SEMA5A: variants seen among roughly 807,000 people sequenced by gnomAD.
The protein encoded by SEMA5A is semaphorin 5A.
Under a neutral mutation model 135.5 loss-of-function variants are expected in SEMA5A, and 55 were observed. The ratio of observed to expected loss-of-function variants is 0.41; its 90% CI spans 0.33 to 0.51. The LOEUF (loss-of-function observed/expected upper bound fraction) is 0.51, where lower values mean the gene tolerates loss of function less well. Among genes scored for constraint, SEMA5A ranks in the 20% least tolerant of loss-of-function variants. The probability of loss-of-function intolerance (pLI) is 0.37; values close to 1 mark genes in which losing one functional copy is unlikely to be tolerated. For synonymous variants in SEMA5A, 580 were observed against 546.5 expected (o/e 1.06, Z -0.85); for missense variants, 1,290 against 1,419.9 (o/e 0.91, Z 1.47).
rs199744079 is a variant in SEMA5A, at chr5:9,262,955, G to GA, written c.271-25066dup. Among the ~76,000 whole-genome samples the GA allele has an allele frequency of 5.2e-3, 521 of 100,498 alleles. 1 individual carries two copies. The highest frequency in any genetic ancestry group is 8.7e-3 in the Non-Finnish European group (402 of 46,410). The allele number at this position is 100,498 out of a possible 152,430, so 65.9% of individuals were successfully genotyped here. On this transcript the variant is annotated intron_variant, in intron 5 of 22. Coordinates refer to ENST00000382496, the MANE Select transcript of SEMA5A (RefSeq NM_003966.3). ...ATTTCTTATAAAATAAAATATTTTC[G>GA]AAAAAATAAAAATAAAAATAAAATT...
chr5:9,216,585 T>C (rs1746641156), intron 8 of SEMA5A, among the ~76,000 whole-genome samples: 1 of 151,992 alleles, frequency 6.6e-6, no homozygotes. Flanking sequence ...GTCAGTAGAG[T>C]GTTAAAGTCT....
chr5:9,236,832 T>C (rs1296306531), intron 6 of SEMA5A, among the ~76,000 whole-genome samples: 2 of 152,134 alleles, frequency 1.3e-5, no homozygotes, highest in Non-Finnish European at 2.9e-5. Flanking sequence ...GGAAACCCCA[T>C]AACTAAGCTG....
Position 9,040,441 on chromosome 5 carries a change from G to A in SEMA5A, c.*2456C>T, listed in dbSNP as rs1272696882. 1 of 152,240 alleles carries A rather than the reference G, an allele frequency of 6.6e-6. No homozygotes were observed. The highest frequency in any genetic ancestry group is 2.4e-5 in the African/African-American group (1 of 41,470). 9.4% of individuals were successfully genotyped at this position (152,240 alleles called of 1,614,324 possible). A position where few individuals can be genotyped will look rare whatever the true frequency, so the allele number is the denominator to read the frequency against. ...AGCGTGGAGTACAGAGCCAGAACAT[G>A]TGAACGGTAGCTACACAGTGATGGA... is the stretch of plus-strand genomic sequence containing the variant. On this transcript the variant is annotated 3_prime_UTR_variant, in exon 23 of 23. Coordinates refer to ENST00000382496, the MANE Select transcript of SEMA5A (RefSeq NM_003966.3).
rs191625433 is a variant in SEMA5A, at chr5:9,148,579, G to A, written c.1481+5909C>T. ...TCATTGCTTTCCAGGTTCTGATGAG[G>A]TGTAAGGCTTTCTGCCCCTTCATAT... On this transcript the variant is annotated intron_variant, in intron 12 of 22. Coordinates refer to ENST00000382496, the MANE Select transcript of SEMA5A (RefSeq NM_003966.3). Among the ~76,000 whole-genome samples, 373 of 152,278 alleles carry A rather than the reference G, an allele frequency of 2.4e-3. 2 individuals carry two copies. Among genetic ancestry groups the A allele is most frequent in the African/African-American group, 8.8e-3 (366 of 41,558 alleles).
At chr5:9,371,609 G>A (rs1755139121) in intron 3 of SEMA5A, among the ~76,000 whole-genome samples, 1 of 152,118 alleles carries the variant, frequency 6.6e-6, no homozygotes, top group African/African-American at 2.4e-5. Flanking sequence ...TAAAAAGCAG[G>A]CAATGTGGTT....
At chr5:9,335,253 C>G (rs1272443753) in intron 4 of SEMA5A, among the ~76,000 whole-genome samples, 1 of 152,058 alleles carries the variant, frequency 6.6e-6, no homozygotes, top group South Asian at 2.1e-4. Context: ...GAGAGAGAGA[C>G]ACCCCACTGA....
chr5:9,175,564 G>A (rs1159886757), intron 11 of SEMA5A, among the ~76,000 whole-genome samples: 1 of 152,044 alleles, frequency 6.6e-6, no homozygotes, highest in Non-Finnish European at 1.5e-5. Context: ...TACAACATAT[G>A]GCATCTTCCT....
At chr5:9,488,281 G>T (rs970973864) in intron 1 of SEMA5A, among the ~76,000 whole-genome samples, 3 of 152,054 alleles carry the variant, frequency 2.0e-5, no homozygotes, top group African/African-American at 7.3e-5. Flanking sequence ...GTCTAGATTG[G>T]CATGTCCACC....
chr5:9,274,136 T>C (rs896493931), intron 5 of SEMA5A, among the ~76,000 whole-genome samples: 1 of 151,916 alleles, frequency 6.6e-6, no homozygotes, highest in African/African-American at 2.4e-5. Flanking sequence ...AATAAAGGGA[T>C]GGAGGAAAAT....
At position 9,382,094 on chromosome 5, in the gene SEMA5A, G is replaced by A. The variant is rs567059420; in HGVS notation, c.-77-2071C>T. On this transcript the variant is annotated intron_variant, in intron 2 of 22. Coordinates refer to ENST00000382496, the MANE Select transcript of SEMA5A (RefSeq NM_003966.3). Reference sequence around the variant, plus strand: ...GTGGATCACCTGAGGTCAGGAGTTCGAGACCAACCTGGGAAATATAATGAG... The same window carrying A: ...GTGGATCACCTGAGGTCAGGAGTTCAAGACCAACCTGGGAAATATAATGAG... Among the ~76,000 whole-genome samples the A allele has an allele frequency of 1.4e-3, 215 of 151,992 alleles. 1 individual carries two copies. The highest frequency in any genetic ancestry group is 4.9e-3 in the African/African-American group (205 of 41,454).
At chr5:9,100,498 G>A (rs576812409) in intron 16 of SEMA5A, among the ~76,000 whole-genome samples, 10 of 152,246 alleles carry the variant, frequency 6.6e-5, no homozygotes, top group South Asian at 2.1e-4. Flanking sequence ...ACACACTCCC[G>A]AGAGGCATTT....
At chr5:9,050,361 T>C (rs1309616168) in intron 21 of SEMA5A, 49 bp downstream of exon 21, 1 of 1,493,744 alleles carries the variant, frequency 6.7e-7, no homozygotes, top group Non-Finnish European at 9.1e-7. Flanking sequence ...GGGAAATGAT[T>C]AGAATATATC....
At chr5:9,103,113 G>T (rs1560918097) in intron 16 of SEMA5A, among the ~76,000 whole-genome samples, 1 of 152,158 alleles carries the variant, frequency 6.6e-6, no homozygotes, top group Non-Finnish European at 1.5e-5. Context: ...ACCCTGGATT[G>T]TCTCAGGACC....
At chr5:9,246,994 A>G (rs1168836491) in intron 5 of SEMA5A, among the ~76,000 whole-genome samples, 2 of 152,162 alleles carry the variant, frequency 1.3e-5, no homozygotes, top group Non-Finnish European at 2.9e-5. Flanking sequence ...ATCTGGGAAT[A>G]TAGTTAAAGG....
intron 1 of SEMA5A, among the ~76,000 whole-genome samples, chr5:9,499,915 A>T (rs1444083908): frequency 6.6e-6 from 1 of 152,148 alleles, no homozygotes; most frequent in Non-Finnish European, 1.5e-5. Context: ...TGGGGAAAAA[A>T]GTCTGAAGCT....
intron 5 of SEMA5A, among the ~76,000 whole-genome samples, chr5:9,295,264 G>C (rs767438): frequency 0.74 from 113,284 of 152,100 alleles, 43,571 homozygotes; most frequent in East Asian, 0.9. Context: ...ATGATCAACA[G>C]ATTCTAGAAC....
At chr5:9,497,098 C>G (rs1468820150) in intron 1 of SEMA5A, among the ~76,000 whole-genome samples, 1 of 152,144 alleles carries the variant, frequency 6.6e-6, no homozygotes, top group African/African-American at 2.4e-5. Context: ...TTTTCTCTCC[C>G]CTTTAGTTGA....
At chr5:9,406,476 C>A (rs1403981495) in intron 2 of SEMA5A, among the ~76,000 whole-genome samples, 2 of 152,110 alleles carry the variant, frequency 1.3e-5, no homozygotes, top group African/African-American at 2.4e-5. Context: ...TGGGAAAAAA[C>A]CAGCAACACT....
At chr5:9,221,765 GAGGT>G (rs1305742326) in intron 8 of SEMA5A, among the ~76,000 whole-genome samples, 1 of 152,188 alleles carries the variant, frequency 6.6e-6, no homozygotes, top group African/African-American at 2.4e-5. Context: ...GTGACAAGAA[GAGGT>G]AAGTTTGAGG....
Sources: allele counts gnomAD v4.1 joint callset (sites outside exome capture counted in the v4.1 genomes callset), GRCh38; gene constraint gnomAD v4.1.1; transcripts MANE v1.5; gene names NCBI Gene and HGNC (gene_info 2026-07-23, HGNC 2026-07-21).